Variants in UBXN2A observed in about 807,000 individuals in gnomAD.
UBXN2A encodes the protein UBX domain protein 2A.
Under a neutral mutation model 28.4 loss-of-function variants are expected in UBXN2A, and 28 were observed. The ratio of observed to expected loss-of-function variants is 0.99; its 90% CI spans 0.73 to 1.35. The LOEUF is 1.35. UBXN2A is among the 40% of genes most tolerant of loss of function. The pLI, the probability that UBXN2A is intolerant of heterozygous loss-of-function variation, is 0.00. For missense variants in UBXN2A, 253 were observed against 297.9 expected, an observed-to-expected ratio of 0.85 and a Z score of 1.11; for synonymous variants, 97 against 103.6, an observed-to-expected ratio of 0.94 and a Z score of 0.39.
intron 2 of UBXN2A, among the ~76,000 whole-genome samples, chr2:23,966,857 C>T (rs1707202899): frequency 6.6e-6 from 1 of 150,412 alleles, no homozygotes; most frequent in South Asian, 2.1e-4. Context: ...TTCACTGCAA[C>T]CTTGGCCTCC....
chr2:23,927,774 C>T (rs1705131802), intron 1 of UBXN2A, among the ~76,000 whole-genome samples: 1 of 151,812 alleles, frequency 6.6e-6, no homozygotes, highest in Non-Finnish European at 1.5e-5. Flanking sequence ...CGCCCCCTGC[C>T]CCCGGCCCGC....
intron 6 of UBXN2A, among the ~76,000 whole-genome samples, chr2:23,995,260 C>G (rs1006373069): frequency 6.6e-6 from 1 of 151,724 alleles, no homozygotes; most frequent in Non-Finnish European, 1.5e-5. Flanking sequence ...GGAAAGTGCC[C>G]TCAGTGAAAA....
chr2:23,943,895 G>A (rs375154702), intron 1 of UBXN2A: 7 of 402,392 alleles, frequency 1.7e-5, no homozygotes, highest in East Asian at 1.1e-4. Flanking sequence ...GCCTCCGAGC[G>A]CACTTTAGCC....
chr2:23,955,923 G>A (rs902453150), intron 1 of UBXN2A, among the ~76,000 whole-genome samples: 5 of 152,182 alleles, frequency 3.3e-5, no homozygotes, highest in East Asian at 3.8e-4. Flanking sequence ...GGAGTGCTGC[G>A]ACGCAGTCTC....
chr2:23,944,204 C>T (rs1705919330), intron 1 of UBXN2A: 9 of 1,530,432 alleles, frequency 5.9e-6, no homozygotes, highest in South Asian at 2.2e-5. Context: ...AGTTTGCACT[C>T]GTCTTCCCTC....
Position 24,000,070 on chromosome 2 carries a change from C to T in UBXN2A, c.*203C>T. The T allele has an allele frequency of 1.9e-6, 1 of 516,104 alleles. No individual in the cohort carries two copies. 32.0% of individuals were successfully genotyped at this position (516,104 alleles called of 1,614,324 possible). On this transcript the variant is annotated 3_prime_UTR_variant, in exon 7 of 7. Coordinates refer to ENST00000309033, the MANE Select transcript of UBXN2A (RefSeq NM_181713.4). ...GGAAACTATATTCAGTGCACTTTCT[C>T]CAAAAGACTACCCAGAAAAATAGAC...
At chr2:23,989,593 G>A (rs545182517) in intron 6 of UBXN2A, among the ~76,000 whole-genome samples, 8 of 151,172 alleles carry the variant, frequency 5.3e-5, no homozygotes, top group South Asian at 4.3e-4. Context: ...GTGAATCCAC[G>A]TAGATACATC....
chr2:23,935,853 C>T (rs1448675907), upstream of UBXN2A, among the ~76,000 whole-genome samples: 2 of 152,100 alleles, frequency 1.3e-5, no homozygotes, highest in Admixed American at 6.6e-5. Flanking sequence ...AGTTCAAGAC[C>T]AGCCTGGTCA....
chr2:23,980,735 C>A (rs1390709353), intron 4 of UBXN2A, among the ~76,000 whole-genome samples: 2 of 152,104 alleles, frequency 1.3e-5, no homozygotes, highest in Non-Finnish European at 2.9e-5. Flanking sequence ...TCAAGTGATT[C>A]TTCTGCCTCA....
At chr2:23,937,533 A>G (rs1705565680), upstream of UBXN2A, among the ~76,000 whole-genome samples, 1 of 152,212 alleles carries the variant, frequency 6.6e-6, no homozygotes, top group South Asian at 2.1e-4. Flanking sequence ...AAATGATTAG[A>G]GCTAATAAGT....
At chr2:23,942,987 G>A (rs1705844154) in intron 1 of UBXN2A, among the ~76,000 whole-genome samples, 1 of 149,490 alleles carries the variant, frequency 6.7e-6, no homozygotes, top group Admixed American at 6.6e-5. Context: ...TTTTTGAGAC[G>A]GAGTCTCGCA....
intron 3 of UBXN2A, among the ~76,000 whole-genome samples, chr2:23,973,195 A>G (rs1260691020): frequency 6.6e-6 from 1 of 150,956 alleles, no homozygotes; most frequent in African/African-American, 2.4e-5. Context: ...AATTTTTTGT[A>G]TTTTTAGTAG....
At chr2:23,933,133 A>G (rs1273143476) in intron 1 of UBXN2A, among the ~76,000 whole-genome samples, 19 of 152,040 alleles carry the variant, frequency 1.2e-4, no homozygotes. Context: ...TAAATTAAAA[A>G]ATAAAGGAGA....
At chr2:23,939,038 G>A (rs953223751), upstream of UBXN2A, among the ~76,000 whole-genome samples, 1 of 152,190 alleles carries the variant, frequency 6.6e-6, no homozygotes, top group African/African-American at 2.4e-5. Flanking sequence ...GTGGTGGGGG[G>A]AACGGCATGG....
At chr2:23,929,081 A>T (rs2150779455) in intron 1 of UBXN2A, among the ~76,000 whole-genome samples, 1 of 152,228 alleles carries the variant, frequency 6.6e-6, no homozygotes, top group South Asian at 2.1e-4. Context: ...TGAGACCAGG[A>T]GTTGGAAACC....
At chr2:23,991,557 C>A (rs1708354847) in intron 6 of UBXN2A, among the ~76,000 whole-genome samples, 2 of 151,502 alleles carry the variant, frequency 1.3e-5, no homozygotes, top group East Asian at 3.9e-4. Context: ...CAACTTCTGC[C>A]TCCCAGGTTC....
chr2:23,930,978 A>G (rs1705349073), intron 1 of UBXN2A, among the ~76,000 whole-genome samples: 1 of 152,198 alleles, frequency 6.6e-6, no homozygotes, highest in Non-Finnish European at 1.5e-5. Flanking sequence ...CAACCTGGCC[A>G]AGATGGTGAA....
intron 1 of UBXN2A, among the ~76,000 whole-genome samples, chr2:23,954,488 T>G (rs1439633245): frequency 6.6e-6 from 1 of 152,222 alleles, no homozygotes; most frequent in African/African-American, 2.4e-5. Flanking sequence ...CAAAATGTTT[T>G]CCTCAGCAGC....
chr2:23,977,153 C>T, intron 4 of UBXN2A, 78 bp downstream of exon 4: 5 of 1,205,660 alleles, frequency 4.1e-6, no homozygotes, highest in South Asian at 1.3e-5. Flanking sequence ...TGCCTGAGCT[C>T]AGGAGTTCAA....
Sources: gnomAD v4.1 joint callset for allele counts (sites outside exome capture counted in the v4.1 genomes callset) on GRCh38, gnomAD v4.1.1 for gene constraint, MANE v1.5 for transcripts, NCBI Gene and HGNC (gene_info 2026-07-23, HGNC 2026-07-21) for gene names.